Variants in FAM107B observed in about 807,000 individuals in gnomAD.
FAM107B encodes the protein family with sequence similarity 107 member B.
A neutral mutation model predicts 31.5 loss-of-function variants in FAM107B; 21 were observed. The observed-to-expected ratio is 0.67, with a 90% CI of 0.47 to 0.96. FAM107B has a LOEUF of 0.96. Among genes scored for constraint, FAM107B ranks in the 40% least tolerant of loss-of-function variants. The probability of loss-of-function intolerance (pLI) is 0.00; values close to 1 mark genes in which losing one functional copy is unlikely to be tolerated. For synonymous variants in FAM107B, 157 were observed against 141.5 expected, an observed-to-expected ratio of 1.11 and a Z score of -0.78; for missense variants, 452 against 377.1, an observed-to-expected ratio of 1.20 and a Z score of -1.64.
At chr10:14,570,233 G>GTGTGT (rs1851083422) in intron 2 of FAM107B, among the ~76,000 whole-genome samples, 3 of 140,340 alleles carry the variant, frequency 2.1e-5, no homozygotes, top group East Asian at 2.0e-4. Flanking sequence ...AAATGTGGTG[G>GTGTGT]GTGTGTGTGT....
At chr10:14,710,467 CACACACACACAA>C (rs1554851482) in intron 1 of FAM107B, among the ~76,000 whole-genome samples, 1 of 114,602 alleles carries the variant, frequency 8.7e-6, no homozygotes, top group African/African-American at 3.1e-5. Flanking sequence ...CACACACACA[CACACACACACAA>C]AATGTTTAAA....
rs745846882 is a variant in FAM107B at position 14,530,345 on chromosome 10, T to C, written c.640A>G (p.Met214Val). 2 of 1,608,926 alleles carry C rather than the reference T, an allele frequency of 1.2e-6. No individual in the cohort carries two copies. Among genetic ancestry groups the C allele is most frequent in the Non-Finnish European group, 1.7e-6 (2 of 1,178,742 alleles). ...AAACCATTTTACCTTTTTTGATTCA[T>C]AAGAAGTTCTCTGTGAAGATCTTGA... is the stretch of plus-strand genomic sequence containing the variant. Reference protein sequence around the residue: ...NHQDLHRELLMNQKRGLAPQN... With the variant: ...NHQDLHRELLVNQKRGLAPQN... The change falls in exon 3 of 5, where the codon ATG becomes GTG. Residue 214 changes from methionine (M) to valine (V), a missense_variant. Physicochemically the swap from Met to Val is conservative, Grantham distance 21. Transcript: ENST00000181796.
chr10:14,609,731 A>G (rs1247841627), intron 2 of FAM107B, among the ~76,000 whole-genome samples: 1 of 152,234 alleles, frequency 6.6e-6, no homozygotes, highest in Non-Finnish European at 1.5e-5. Flanking sequence ...GTATGACTGA[A>G]TAACTGGAGA....
chr10:14,749,156 C>A (rs1457183809), intron 1 of FAM107B, among the ~76,000 whole-genome samples: 1 of 152,172 alleles, frequency 6.6e-6, no homozygotes, highest in Non-Finnish European at 1.5e-5. Flanking sequence ...TGCCAGCCAC[C>A]CTTTCCGGAA....
chr10:14,540,935 C>T (rs556494842), intron 2 of FAM107B, among the ~76,000 whole-genome samples: 9 of 152,284 alleles, frequency 5.9e-5, no homozygotes, highest in African/African-American at 1.9e-4. Flanking sequence ...TCATCCCAGG[C>T]GAATTTGAGT....
chr10:14,668,304 A>G (rs1854459742), intron 1 of FAM107B, among the ~76,000 whole-genome samples: 1 of 152,086 alleles, frequency 6.6e-6, no homozygotes, highest in African/African-American at 2.4e-5. Flanking sequence ...TGGCCTCCCA[A>G]AGTGCTGGGG....
At chr10:14,604,331 C>G (rs892001832) in intron 2 of FAM107B, 38 of 857,648 alleles carry the variant, frequency 4.4e-5, no homozygotes, top group East Asian at 1.2e-4. Context: ...GGCGGCGGCC[C>G]GAGGCGGCGC....
chr10:14,644,966 G>C (rs1853716875), intron 2 of FAM107B, among the ~76,000 whole-genome samples: 1 of 152,172 alleles, frequency 6.6e-6, no homozygotes, highest in Admixed American at 6.5e-5. Context: ...TCCTTACTTT[G>C]CATGAATGGG....
intron 1 of FAM107B, among the ~76,000 whole-genome samples, chr10:14,724,953 C>A (rs1023097748): frequency 1.8e-4 from 28 of 152,216 alleles, no homozygotes; most frequent in Admixed American, 1.8e-3. Context: ...GAACCATCCA[C>A]AAGGCTCCCA....
chr10:14,712,626 A>AAAAAAAAAAAAAAAAAAAAAG (rs1554851690), intron 1 of FAM107B, among the ~76,000 whole-genome samples: 2 of 146,854 alleles, frequency 1.4e-5, no homozygotes, highest in Admixed American at 6.7e-5. Flanking sequence ...AACAAAAAAA[A>AAAAAAAAAAAAAAAAAAAAAG]AAGAAGAAGA....
At chr10:14,692,986 C>T (rs777417707) in intron 1 of FAM107B, among the ~76,000 whole-genome samples, 4 of 152,156 alleles carry the variant, frequency 2.6e-5, no homozygotes, top group Non-Finnish European at 4.4e-5. Context: ...ATGCAAAAAT[C>T]GCAGTGATGC....
intron 2 of FAM107B, among the ~76,000 whole-genome samples, chr10:14,540,500 CTTGCTGATGCGAAGGCA>C (rs1848078555): frequency 6.6e-6 from 1 of 152,328 alleles, no homozygotes; most frequent in Middle Eastern, 3.4e-3. Flanking sequence ...CTGGTATTTC[CTTGCTGATGCGAAGGCA>C]GCCCCTGGAC....
intron 2 of FAM107B, among the ~76,000 whole-genome samples, chr10:14,651,759 C>T (rs556007153): frequency 5.3e-5 from 8 of 152,026 alleles, no homozygotes; most frequent in African/African-American, 1.9e-4. Context: ...TTTTAATAGG[C>T]GAATAGATAA....
chr10:14,741,528 G>A (rs1254309915), intron 1 of FAM107B, among the ~76,000 whole-genome samples: 1 of 152,116 alleles, frequency 6.6e-6, no homozygotes, highest in African/African-American at 2.4e-5. Flanking sequence ...GAGGGATGGA[G>A]GATACCCTCT....
intron 1 of FAM107B, among the ~76,000 whole-genome samples, chr10:14,733,845 A>G (rs1249426001): frequency 6.6e-6 from 1 of 152,054 alleles, no homozygotes; most frequent in Non-Finnish European, 1.5e-5. Flanking sequence ...GCTTCTCCAC[A>G]TTTTCTCCCT....
At chr10:14,642,448 G>A (rs1048332009) in intron 2 of FAM107B, among the ~76,000 whole-genome samples, 6 of 152,210 alleles carry the variant, frequency 3.9e-5, no homozygotes, top group African/African-American at 1.4e-4. Context: ...TGGGAGAATA[G>A]TGCATGTTCC....
At chr10:14,769,890 A>G (rs190867195) in intron 1 of FAM107B, among the ~76,000 whole-genome samples, 1 of 152,194 alleles carries the variant, frequency 6.6e-6, no homozygotes, top group East Asian at 1.9e-4. Context: ...CACACTGCGT[A>G]CATCACTGGG....
chr10:14,565,366 C>T (rs759385993), intron 2 of FAM107B, among the ~76,000 whole-genome samples: 10 of 152,058 alleles, frequency 6.6e-5, no homozygotes, highest in Admixed American at 1.3e-4. Context: ...GGAGAACCCT[C>T]GGCAGACATA....
chr10:14,599,246 A>G (rs1011266150), intron 2 of FAM107B, among the ~76,000 whole-genome samples: 6 of 152,036 alleles, frequency 3.9e-5, no homozygotes, highest in Non-Finnish European at 8.8e-5. Context: ...CCACTTCAAG[A>G]CTTCTAAGTC....
Sources: gnomAD v4.1 joint callset for allele counts (sites outside exome capture counted in the v4.1 genomes callset) on GRCh38, gnomAD v4.1.1 for gene constraint, MANE v1.5 for transcripts, NCBI Gene and HGNC (gene_info 2026-07-23, HGNC 2026-07-21) for gene names.